PLCXD3: variants seen among roughly 807,000 people sequenced by gnomAD.
PLCXD3 encodes the protein phosphatidylinositol specific phospholipase C X domain containing 3, also known as PI-PLC X domain-containing protein 3.
Under a neutral mutation model 25.5 loss-of-function variants are expected in PLCXD3, and 19 were observed. That is an observed-to-expected ratio of 0.75 (90% CI 0.52 to 1.09). The LOEUF is 1.09. PLCXD3 is among the 50% of genes least tolerant of loss of function. The pLI is 0.00. For missense variants in PLCXD3, 411 were observed against 388.1 expected, an observed-to-expected ratio of 1.06 and a Z score of -0.50; for synonymous variants, 174 against 137.6, an observed-to-expected ratio of 1.26 and a Z score of -1.85.
intron 1 of PLCXD3, among the ~76,000 whole-genome samples, chr5:41,501,946 G>A (rs1031384419): frequency 6.6e-6 from 1 of 152,080 alleles, no homozygotes; most frequent in Non-Finnish European, 1.5e-5. Context: ...CTGAAGGTAG[G>A]GAAGATATTT....
intron 1 of PLCXD3, among the ~76,000 whole-genome samples, chr5:41,421,176 T>A (rs1233981350): frequency 6.6e-6 from 1 of 152,198 alleles, no homozygotes; most frequent in Admixed American, 6.5e-5. Flanking sequence ...TATCCAAACA[T>A]CAAAACAGAG....
chr5:41,350,481 A>C (rs1744427948), intron 2 of PLCXD3, among the ~76,000 whole-genome samples: 1 of 152,178 alleles, frequency 6.6e-6, no homozygotes, highest in South Asian at 2.1e-4. Context: ...GTATACTATG[A>C]ATTTTCATGG....
intron 1 of PLCXD3, among the ~76,000 whole-genome samples, chr5:41,409,297 A>G (rs318029): frequency 0.18 from 27,127 of 151,996 alleles, 3,481 homozygotes; most frequent in African/African-American, 0.36. Context: ...AGGTCACAAA[A>G]TGGATCACTC....
intron 1 of PLCXD3, among the ~76,000 whole-genome samples, chr5:41,435,572 GGAAA>G (rs1747228989): frequency 2.6e-5 from 4 of 152,128 alleles, no homozygotes; most frequent in Non-Finnish European, 5.9e-5. Flanking sequence ...GAGCAATCTT[GGAAA>G]AGTCTGCTGG....
intron 2 of PLCXD3, among the ~76,000 whole-genome samples, chr5:41,330,290 A>G (rs1743756874): frequency 6.6e-6 from 1 of 152,196 alleles, no homozygotes; most frequent in Non-Finnish European, 1.5e-5. Context: ...CAGAAATACA[A>G]ACTACCATCA....
chr5:41,490,799 A>G (rs565790389), intron 1 of PLCXD3, among the ~76,000 whole-genome samples: 1 of 152,148 alleles, frequency 6.6e-6, no homozygotes, highest in South Asian at 2.1e-4. Context: ...GTCATTTTTT[A>G]CTGCATCTAT....
Position 41,397,571 on chromosome 5 carries a change from C to T in PLCXD3, c.104-15037G>A, listed in dbSNP as rs541437486. ...GAGAGGAAATGTGGGGTTGGAGCCACGACACAGAGTCCCCACTGGGGCACT... is the reference window on the plus strand; with the variant it reads ...GAGAGGAAATGTGGGGTTGGAGCCATGACACAGAGTCCCCACTGGGGCACT... On this transcript the variant is annotated intron_variant, in intron 1 of 2. Transcript: ENST00000377801. 1.3e-3 allele frequency among the ~76,000 whole-genome samples: 197 copies of T among 152,280 alleles called. 1 individual carries two copies. Among genetic ancestry groups the T allele is most frequent in the Non-Finnish European group, 6.6e-4 (45 of 68,014 alleles).
intron 1 of PLCXD3, among the ~76,000 whole-genome samples, chr5:41,402,810 CATT>C (rs3047498): frequency 0.56 from 85,321 of 151,278 alleles, 24,565 homozygotes; most frequent in South Asian, 0.71. Flanking sequence ...TTCTTTTTAT[CATT>C]AGTAGTAGCC....
chr5:41,349,873 A>G (rs1161210102), intron 2 of PLCXD3, among the ~76,000 whole-genome samples: 1 of 152,018 alleles, frequency 6.6e-6, no homozygotes, highest in Admixed American at 6.6e-5. Flanking sequence ...TGCTGTACCC[A>G]TAAATTCCCA....
intron 2 of PLCXD3, among the ~76,000 whole-genome samples, chr5:41,354,337 A>G (rs1374931983): frequency 6.6e-6 from 1 of 152,034 alleles, no homozygotes; most frequent in Non-Finnish European, 1.5e-5. Context: ...GCAAATGGTC[A>G]TCATCCCTCC....
intron 1 of PLCXD3, among the ~76,000 whole-genome samples, chr5:41,441,188 C>T (rs112693647): frequency 6.6e-6 from 1 of 152,086 alleles, no homozygotes; most frequent in Admixed American, 6.5e-5. Context: ...GACAGCAAAC[C>T]TGAAAATACA....
At chr5:41,479,715 G>A (rs1748356515) in intron 1 of PLCXD3, among the ~76,000 whole-genome samples, 1 of 150,920 alleles carries the variant, frequency 6.6e-6, no homozygotes, top group South Asian at 2.1e-4. Context: ...CTGAGAGGGA[G>A]AGAGAGAGAG....
At chr5:41,489,575 T>A (rs1432234232) in intron 1 of PLCXD3, among the ~76,000 whole-genome samples, 1 of 151,782 alleles carries the variant, frequency 6.6e-6, no homozygotes, top group Non-Finnish European at 1.5e-5. Flanking sequence ...TGGAATGTTC[T>A]TCCATTTGTT....
chr5:41,391,421 C>A (rs1438619247), intron 1 of PLCXD3, among the ~76,000 whole-genome samples: 1 of 152,156 alleles, frequency 6.6e-6, no homozygotes, highest in African/African-American at 2.4e-5. Context: ...CCCATTTCAG[C>A]TCTAGCTCCC....
At chr5:41,431,508 A>T (rs1397183139) in intron 1 of PLCXD3, among the ~76,000 whole-genome samples, 1 of 152,226 alleles carries the variant, frequency 6.6e-6, no homozygotes, top group East Asian at 1.9e-4. Context: ...GCCAAAGTGG[A>T]TCACTTCACG....
intron 1 of PLCXD3, among the ~76,000 whole-genome samples, chr5:41,492,661 C>T (rs192479388): frequency 1.3e-5 from 2 of 152,142 alleles, no homozygotes; most frequent in Non-Finnish European, 2.9e-5. Flanking sequence ...CTCTAAACTT[C>T]CCTTCTCGCT....
intron 1 of PLCXD3, among the ~76,000 whole-genome samples, chr5:41,502,975 A>G (rs1417807456): frequency 3.9e-5 from 6 of 152,170 alleles, no homozygotes; most frequent in Admixed American, 3.9e-4. Flanking sequence ...ACATCCCCTG[A>G]CAACCTTTCT....
chr5:41,443,503 G>A (rs1277406179), intron 1 of PLCXD3, among the ~76,000 whole-genome samples: 2 of 152,108 alleles, frequency 1.3e-5, no homozygotes. Flanking sequence ...GAAATAACAT[G>A]TTATTATTGT....
chr5:41,428,388 G>GTTT (rs200452336), intron 1 of PLCXD3, among the ~76,000 whole-genome samples: 19 of 131,476 alleles, frequency 1.4e-4, no homozygotes, highest in African/African-American at 5.1e-4. Context: ...TTTTGTTTTT[G>GTTT]TTTTTGTTTT....
Sources: gnomAD v4.1 joint callset for allele counts (sites outside exome capture counted in the v4.1 genomes callset) on GRCh38, gnomAD v4.1.1 for gene constraint, MANE v1.5 for transcripts, NCBI Gene and HGNC (gene_info 2026-07-23, HGNC 2026-07-21) for gene names.